The following KCTD10 variants were observed in gnomAD, a reference collection of about 807,000 sequenced individuals.
The protein encoded by KCTD10 is potassium channel tetramerization domain containing 10, also known as BTB/POZ domain-containing adapter for CUL3-mediated RhoA degradation protein 3.
KCTD10 carries 13 observed loss-of-function variants against 34.6 expected under a neutral mutation model. The observed-to-expected ratio is 0.38, with a 90% confidence interval of 0.24 to 0.60. The LOEUF is 0.60. Ranked by LOEUF, KCTD10 falls within the 20% of genes least tolerant of loss-of-function variation. KCTD10 has a pLI of 0.66. For synonymous variants in KCTD10, 156 were observed against 168.8 expected (o/e 0.92, Z 0.59); for missense variants, 256 against 420.3 (o/e 0.61, Z 3.42).
At chr12:109,475,138 T>C (rs569894569) in intron 1 of KCTD10, among the ~76,000 whole-genome samples, 1 of 152,156 alleles carries the variant, frequency 6.6e-6, no homozygotes, top group South Asian at 2.1e-4. Context: ...GGATCAGTGG[T>C]TCCCAACCCT....
chr12:109,461,303 CT>C (rs1873313717), intron 2 of KCTD10, among the ~76,000 whole-genome samples: 1 of 152,248 alleles, frequency 6.6e-6, no homozygotes, highest in Non-Finnish European at 1.5e-5. Flanking sequence ...TGACCTCTGA[CT>C]CCCAAGGCTG....
At chr12:109,457,803 G>C in intron 4 of KCTD10, 121 bp from the exon 5 acceptor site, 1 of 1,165,476 alleles carries the variant, frequency 8.6e-7, no homozygotes, top group East Asian at 2.4e-5. Flanking sequence ...AGCATAGCTT[G>C]CTGGCTGGAG....
At chr12:109,477,057 T>C (rs1486001047) in intron 1 of KCTD10, among the ~76,000 whole-genome samples, 10 of 151,342 alleles carry the variant, frequency 6.6e-5, no homozygotes, top group African/African-American at 2.2e-4. Context: ...GGAGCCTCCC[T>C]ACCACCACCC....
chr12:109,472,065 C>G (rs1316020987), intron 1 of KCTD10, among the ~76,000 whole-genome samples: 1 of 152,074 alleles, frequency 6.6e-6, no homozygotes, highest in Non-Finnish European at 1.5e-5. Flanking sequence ...ACTACTGTAG[C>G]TTTATCAACA....
chr12:109,451,377 T>C lies in KCTD10; in HGVS notation c.*218A>G. On this transcript the variant is annotated 3_prime_UTR_variant, in exon 7 of 7. Coordinates refer to ENST00000228495, the MANE Select transcript of KCTD10 (RefSeq NM_031954.5). This position sits in a 1 kb window ranked among gnomAD's most constrained non-coding sequence, Gnocchi z 5.0. ...CTCAGATTCTCATGAAAAGTAGAGA[T>C]CTTAGACACAGCTTGTTCAACGACA... 1.9e-6 allele frequency: 1 copy of C among 520,108 alleles called. No homozygotes were observed. Among genetic ancestry groups the C allele is most frequent in the Non-Finnish European group, 3.4e-6 (1 of 297,294 alleles). The allele number at this position is 520,108 out of a possible 1,614,324, so 32.2% of individuals were successfully genotyped here.
At chr12:109,467,085 C>T (rs1303291563) in intron 2 of KCTD10, among the ~76,000 whole-genome samples, 4 of 152,246 alleles carry the variant, frequency 2.6e-5, no homozygotes, top group Non-Finnish European at 5.9e-5. Context: ...AGGGCTTTAG[C>T]ACAAAGACAG....
Position 109,451,532 on chromosome 12 carries a change from T to C in KCTD10, c.*63A>G. 1 of 1,488,090 alleles carries C rather than the reference T, an allele frequency of 6.7e-7. No homozygotes were observed. The allele number at this position is 1,488,090 out of a possible 1,614,324, so 92.2% of individuals were successfully genotyped here. Reference sequence around the variant, plus strand: ...AAGGGGCCCGGCAGCCTGCACAGGATCTGGGTGTAGCACGGCAGGGAGTGG... The same window carrying C: ...AAGGGGCCCGGCAGCCTGCACAGGACCTGGGTGTAGCACGGCAGGGAGTGG... On this transcript the variant is annotated 3_prime_UTR_variant, in exon 7 of 7. Transcript: ENST00000228495. This position sits in a 1 kb window ranked among gnomAD's most constrained non-coding sequence, Gnocchi z 5.0.
At chr12:109,464,724 C>A in intron 2 of KCTD10, 1 of 408,662 alleles carries the variant, frequency 2.4e-6, no homozygotes, top group Admixed American at 2.9e-5. Flanking sequence ...TAAAAACATG[C>A]TCAACGTACC....
In KCTD10 at chr12:109,460,481, T is replaced by C; in HGVS notation, c.387+155A>G. On this transcript the variant is annotated intron_variant, in intron 3 of 6. Transcript: ENST00000228495. The surrounding 1 kb of genome is among the most constrained non-coding windows in gnomAD (Gnocchi z 4.5). The stretch of plus-strand genomic sequence containing the variant: ...TCCAGGGAGGCCTCTCAGGGGTCAC[T>C]CCAACCGAAGGAATCGGGCTCCAGG... The C allele has an allele frequency of 1.3e-6, 1 of 761,634 alleles. No homozygotes were observed. Among genetic ancestry groups the C allele is most frequent in the South Asian group, 1.8e-5 (1 of 54,502 alleles). 47.2% of individuals were successfully genotyped at this position (761,634 alleles called of 1,614,324 possible). A position where few individuals can be genotyped will look rare whatever the true frequency, so the allele number is the denominator to read the frequency against.
chr12:109,451,563 G>A lies in KCTD10; in HGVS notation c.*32C>T. On this transcript the variant is annotated 3_prime_UTR_variant, in exon 7 of 7. Coordinates refer to ENST00000228495, the MANE Select transcript of KCTD10 (RefSeq NM_031954.5). This position sits in a 1 kb window ranked among gnomAD's most constrained non-coding sequence, Gnocchi z 5.0. ...TGTAGCACGGCAGGGAGTGGGGGCG[G>A]TGAGAGGAGGGCGGCTCGGTCTCTT... is the stretch of plus-strand genomic sequence containing the variant. 1 of 1,572,538 alleles carries A rather than the reference G, an allele frequency of 6.4e-7. No homozygotes were observed. The highest frequency in any genetic ancestry group is 8.7e-7 in the Non-Finnish European group (1 of 1,155,858).
intron 2 of KCTD10, chr12:109,465,012 G>GC: frequency 6.1e-6 from 2 of 327,072 alleles, no homozygotes; most frequent in South Asian, 2.4e-5. Context: ...GGGATCTAGG[G>GC]AGTCCAGAGC....
chr12:109,463,728 G>A (rs1873460410), intron 2 of KCTD10, among the ~76,000 whole-genome samples: 2 of 152,232 alleles, frequency 1.3e-5, no homozygotes, highest in Admixed American at 1.3e-4. Flanking sequence ...CTTGCTGGAT[G>A]ACATTGGTGC....
At position 109,460,757 on chromosome 12, in the gene KCTD10, T is replaced by C. The variant is rs770068287; in HGVS notation, c.266A>G (p.Asn89Ser). Residue 89 changes from asparagine to serine, a missense_variant, in exon 3 of 7, where the codon AAC becomes AGC. By Grantham distance (46) the Asn-to-Ser change is conservative (BLOSUM62 1). Coordinates refer to ENST00000228495, the MANE Select transcript of KCTD10 (RefSeq NM_031954.5). This position sits in a 1 kb window ranked among gnomAD's most constrained non-coding sequence, Gnocchi z 4.5. Reference protein sequence around the residue: ...RCGKHFGTILNYLRDGAVPLP... With the variant: ...RCGKHFGTILSYLRDGAVPLP... ...AGGCACCGCCCCGTCTCGAAGGTAG[T>C]TGAGTATCGTACCAAAGTGCTTCCC... 6 of 1,614,170 alleles carry C rather than the reference T, an allele frequency of 3.7e-6. No homozygotes were observed. Among genetic ancestry groups the C allele is most frequent in the South Asian group, 3.3e-5 (3 of 91,082 alleles).
chr12:109,474,258 C>T (rs1874038295), intron 1 of KCTD10, among the ~76,000 whole-genome samples: 1 of 152,088 alleles, frequency 6.6e-6, no homozygotes, highest in African/African-American at 2.4e-5. Context: ...GATTTCATTA[C>T]CAATGAAGCT....
At chr12:109,466,536 A>G (rs1343220510) in intron 2 of KCTD10, among the ~76,000 whole-genome samples, 1 of 152,236 alleles carries the variant, frequency 6.6e-6, no homozygotes, top group African/African-American at 2.4e-5. Flanking sequence ...TGACTGTGAC[A>G]TGCAGCAGAG....
chr12:109,474,622 C>G (rs1874059526), intron 1 of KCTD10, among the ~76,000 whole-genome samples: 1 of 151,984 alleles, frequency 6.6e-6, no homozygotes, highest in Non-Finnish European at 1.5e-5. Flanking sequence ...AGCACTGTAC[C>G]CCTTATTTAA....
chr12:109,452,706 TTGC>T (rs1872834182), intron 6 of KCTD10, among the ~76,000 whole-genome samples: 2 of 152,180 alleles, frequency 1.3e-5, no homozygotes, highest in Non-Finnish European at 2.9e-5. Context: ...AGTTTACTGT[TTGC>T]TGCTGCCAGC....
intron 3 of KCTD10, 35 bp from the exon 4 acceptor site, chr12:109,458,113 C>A (rs2135649743): frequency 6.4e-7 from 1 of 1,559,850 alleles, no homozygotes; most frequent in Non-Finnish European, 8.8e-7. Flanking sequence ...GCCTAGGAGG[C>A]CTGCCTAGCA....
intron 1 of KCTD10, among the ~76,000 whole-genome samples, chr12:109,475,931 C>T (rs1453266779): frequency 2.0e-5 from 3 of 152,238 alleles, no homozygotes; most frequent in Non-Finnish European, 1.5e-5. Flanking sequence ...TACACAAACT[C>T]TTGGTCTATT....
Sources: allele counts gnomAD v4.1 joint callset (sites outside exome capture counted in the v4.1 genomes callset), GRCh38; gene constraint gnomAD v4.1.1; non-coding constraint Gnocchi (gnomAD v3.1); transcripts MANE v1.5; gene names NCBI Gene and HGNC (gene_info 2026-07-23, HGNC 2026-07-21).